GRAMD4: variants seen among roughly 807,000 people sequenced by gnomAD.
The protein encoded by GRAMD4 is GRAM domain containing 4, also known as GRAM domain-containing protein 4.
GRAMD4 carries 25 observed loss-of-function variants against 83.9 expected under a neutral mutation model. The ratio of observed to expected loss-of-function variants is 0.30; its 90% CI spans 0.22 to 0.42. The LOEUF (loss-of-function observed/expected upper bound fraction) is 0.42. GRAMD4 is among the 10% of genes least tolerant of loss of function. GRAMD4 has a pLI of 1.00. For synonymous variants in GRAMD4, 336 were observed against 320.9 expected (o/e 1.05, Z -0.50); for missense variants, 593 against 788.7 (o/e 0.75, Z 2.97).
At chr22:46,616,416 A>C (rs1255360753), upstream of GRAMD4, among the ~76,000 whole-genome samples, 3 of 82,116 alleles carry the variant, frequency 3.7e-5, 1 homozygote, top group Non-Finnish European at 4.7e-5. Context: ...CTGTGCGTGT[A>C]GGTTCCCCCG....
chr22:46,663,020 C>G lies in GRAMD4; in HGVS notation c.467-20C>G. ...CAGTGCAGCCCTGCCGTGCCCTCAC[C>G]GGGTCCCTGCCCCCTGCAGAGCGCC... On this transcript the variant is annotated intron_variant, in intron 5 of 18. Transcript: ENST00000406902. 2 of 1,588,596 alleles carry G rather than the reference C, an allele frequency of 1.3e-6. No individual in the cohort carries two copies. The highest frequency in any genetic ancestry group is 1.7e-6 in the Non-Finnish European group (2 of 1,164,858).
chr22:46,610,718 C>A (rs1026876003), intron 1 of GRAMD4, among the ~76,000 whole-genome samples: 1 of 152,194 alleles, frequency 6.6e-6, no homozygotes, highest in Non-Finnish European at 1.5e-5. Context: ...GGCTTCCTTT[C>A]GGCCATCTCA....
At position 46,594,220 on chromosome 22, in the gene GRAMD4, C is replaced by T. The variant is rs1282967119; in HGVS notation, c.-50+16930C>T. Reference sequence around the variant, plus strand: ...TCTGTGTGTCCTGTGCTCTCCCTTCCCCACCACCCTATGCACACCTTTCTC... The same window carrying T: ...TCTGTGTGTCCTGTGCTCTCCCTTCTCCACCACCCTATGCACACCTTTCTC... On this transcript the variant is annotated intron_variant, in intron 1 of 1. Transcript: ENST00000431155. Among the ~76,000 whole-genome samples, 3 of 151,994 alleles carry T rather than the reference C, an allele frequency of 2.0e-5. No individual in the cohort carries two copies. The East Asian group carries it at 5.8e-4, about 30-fold the overall frequency.
intron 17 of GRAMD4, 86 bp downstream of exon 17, chr22:46,675,638 G>T: frequency 1.1e-6 from 1 of 872,606 alleles, no homozygotes; most frequent in Non-Finnish European, 1.9e-6. Flanking sequence ...ATAGACTTCT[G>T]CCAGCCTCTG....
intron 1 of GRAMD4, among the ~76,000 whole-genome samples, chr22:46,601,520 G>T (rs2081312141): frequency 6.6e-6 from 1 of 151,890 alleles, no homozygotes; most frequent in African/African-American, 2.4e-5. Context: ...AATTAGATCA[G>T]GTGCAGTGGC....
chr22:46,676,262 G>A (rs1224459703), intron 17 of GRAMD4, among the ~76,000 whole-genome samples: 1 of 152,236 alleles, frequency 6.6e-6, no homozygotes, highest in African/African-American at 2.4e-5. Context: ...GATTGGCGGT[G>A]CTGACAGATG....
chr22:46,596,199 C>T (rs2081260605), intron 1 of GRAMD4, among the ~76,000 whole-genome samples: 2 of 152,244 alleles, frequency 1.3e-5, no homozygotes, highest in Admixed American at 1.3e-4. Context: ...TGTGCCCAGC[C>T]CCCTGCTTCC....
At chr22:46,637,283 C>T (rs1470177690) in intron 2 of GRAMD4, among the ~76,000 whole-genome samples, 8 of 148,128 alleles carry the variant, frequency 5.4e-5, no homozygotes, top group South Asian at 2.1e-4. Flanking sequence ...GATGGAGTCT[C>T]GCTCTGTCGC....
At chr22:46,674,329 G>A (rs2082562003) in intron 15 of GRAMD4, among the ~76,000 whole-genome samples, 1 of 152,154 alleles carries the variant, frequency 6.6e-6, no homozygotes, top group South Asian at 2.1e-4. Context: ...TGGCCCTGCC[G>A]GTCTTGGTGG....
intron 3 of GRAMD4, among the ~76,000 whole-genome samples, chr22:46,643,808 T>C (rs766569281): frequency 6.6e-6 from 1 of 152,202 alleles, no homozygotes; most frequent in Non-Finnish European, 1.5e-5. Flanking sequence ...TAGTGTCACA[T>C]CGGCAGGTAC....
chr22:46,680,772 A>C (rs1318907524), downstream of GRAMD4, among the ~76,000 whole-genome samples: 1 of 65,042 alleles, frequency 1.5e-5, no homozygotes, highest in African/African-American at 6.0e-5. Flanking sequence ...CCATCCATCC[A>C]TCCATCCACC....
intron 1 of GRAMD4, among the ~76,000 whole-genome samples, chr22:46,594,596 A>T (rs1204380744): frequency 6.9e-6 from 1 of 145,974 alleles, no homozygotes; most frequent in African/African-American, 2.6e-5. Flanking sequence ...GGGGGGGGTT[A>T]GGTGTTTTAG....
At chr22:46,674,025 G>A (rs2082555710) in intron 15 of GRAMD4, among the ~76,000 whole-genome samples, 1 of 152,232 alleles carries the variant, frequency 6.6e-6, no homozygotes, top group Non-Finnish European at 1.5e-5. Context: ...GTGCCCGTGG[G>A]GAGAGCCGCC....
intron 1 of GRAMD4, among the ~76,000 whole-genome samples, chr22:46,611,563 A>C (rs1479463600): frequency 4.6e-5 from 7 of 152,186 alleles, no homozygotes; most frequent in African/African-American, 1.7e-4. Context: ...GGAGATGAAC[A>C]CTGGTGGGAG....
chr22:46,602,004 C>G (rs546702321), intron 1 of GRAMD4, among the ~76,000 whole-genome samples: 1 of 152,182 alleles, frequency 6.6e-6, no homozygotes, highest in East Asian at 1.9e-4. Flanking sequence ...CTCTCCTCCT[C>G]CTCGTTTCCA....
chr22:46,675,819 C>G (rs1296887893), intron 17 of GRAMD4, among the ~76,000 whole-genome samples: 3 of 152,318 alleles, frequency 2.0e-5, no homozygotes, highest in Admixed American at 2.0e-4. Flanking sequence ...AAGCCCCACT[C>G]TGGCTGCTGT....
At position 46,672,748 on chromosome 22, in the gene GRAMD4, A is replaced by T. The variant is rs898320032; in HGVS notation, c.1085-95A>T. ...ATCCAGGCTCAGGGTGGAGGGTGCCAATCTGGGAGGTGGGAGGTGCCGGAA... is the reference window on the plus strand; with the variant it reads ...ATCCAGGCTCAGGGTGGAGGGTGCCTATCTGGGAGGTGGGAGGTGCCGGAA... On this transcript the variant is annotated intron_variant, in intron 13 of 18. Coordinates refer to ENST00000406902, the MANE Select transcript of GRAMD4 (RefSeq NM_015124.5). This position sits in a 1 kb window ranked among gnomAD's most constrained non-coding sequence, Gnocchi z 4.7. The T allele has an allele frequency of 1.8e-5, 17 of 960,862 alleles. No individual in the cohort carries two copies. The highest frequency in any genetic ancestry group is 2.7e-5 in the Non-Finnish European group (17 of 622,670). 59.5% of individuals were successfully genotyped at this position (960,862 alleles called of 1,614,324 possible).
At chr22:46,588,076 T>C (rs1728191160) in intron 1 of GRAMD4, 1 of 465,134 alleles carries the variant, frequency 2.1e-6, no homozygotes, top group Admixed American at 6.4e-5. Context: ...GCCCCAGCCC[T>C]GGTGGAGCCC....
Position 46,677,284 on chromosome 22 carries a change from C to A in GRAMD4, c.*33C>A, listed in dbSNP as rs1399875426. Reference sequence around the variant, plus strand: ...TTGCCCAGGACGTTGCTGGAATTTTCTTTTTCTTTTTCTTTTTCTTTTTTT... The same window carrying A: ...TTGCCCAGGACGTTGCTGGAATTTTATTTTTCTTTTTCTTTTTCTTTTTTT... On this transcript the variant is annotated 3_prime_UTR_variant, in exon 19 of 19. Transcript: ENST00000406902. 1.3e-6 allele frequency: 2 copies of A among 1,551,904 alleles called. No individual in the cohort carries two copies. Among genetic ancestry groups the A allele is most frequent in the Admixed American group, 4.5e-5 (2 of 44,238 alleles).
Sources: allele counts gnomAD v4.1 joint callset (sites outside exome capture counted in the v4.1 genomes callset), GRCh38; gene constraint gnomAD v4.1.1; non-coding constraint Gnocchi (gnomAD v3.1); transcripts MANE v1.5; gene names NCBI Gene and HGNC (gene_info 2026-07-23, HGNC 2026-07-21).